Variants in NRG3 observed in about 807,000 individuals in gnomAD.
The protein encoded by NRG3 is neuregulin 3.
NRG3 carries 31 observed loss-of-function variants against 66.9 expected under a neutral mutation model. The ratio of observed to expected loss-of-function variants is 0.46; its 90% confidence interval spans 0.35 to 0.63. NRG3 has a LOEUF of 0.63. NRG3 is among the 20% of genes least tolerant of loss of function. NRG3 has a pLI of 0.00. For synonymous variants in NRG3, 393 were observed against 359.4 expected (o/e 1.09, Z -1.06); for missense variants, 910 against 878.9 (o/e 1.04, Z -0.45).
chr10:82,785,532 G>A (rs976023289), intron 3 of NRG3, among the ~76,000 whole-genome samples: 1 of 152,058 alleles, frequency 6.6e-6, no homozygotes, highest in Non-Finnish European at 1.5e-5. Flanking sequence ...ATTAGGAATA[G>A]GGTATTGAAA....
chr10:82,661,858 T>C (rs562623745), intron 2 of NRG3, among the ~76,000 whole-genome samples: 1 of 152,350 alleles, frequency 6.6e-6, no homozygotes, highest in East Asian at 1.9e-4. Context: ...TCCAAATGAA[T>C]ACATTAAACA....
At chr10:82,975,372 T>G (rs1213982873) in intron 7 of NRG3, among the ~76,000 whole-genome samples, 1 of 152,210 alleles carries the variant, frequency 6.6e-6, no homozygotes, top group East Asian at 1.9e-4. Context: ...GATATATATG[T>G]TTTAAAACAT....
At chr10:82,173,410 T>C (rs2072780533) in intron 1 of NRG3, among the ~76,000 whole-genome samples, 1 of 151,724 alleles carries the variant, frequency 6.6e-6, no homozygotes, top group African/African-American at 2.4e-5. Context: ...ATGTAAAATA[T>C]AAATATAAAC....
chr10:82,135,221 C>T (rs1417719020), intron 1 of NRG3, among the ~76,000 whole-genome samples: 1 of 151,474 alleles, frequency 6.6e-6, no homozygotes, highest in Admixed American at 6.6e-5. Context: ...TATTCTAAAG[C>T]TTCATTGTAT....
At chr10:82,303,096 A>G (rs2080501245) in intron 1 of NRG3, among the ~76,000 whole-genome samples, 1 of 150,212 alleles carries the variant, frequency 6.7e-6, no homozygotes, top group African/African-American at 2.5e-5. Context: ...AAATATCTCT[A>G]TTTTCTTCAC....
intron 1 of NRG3, among the ~76,000 whole-genome samples, chr10:81,987,271 G>T (rs1410365750): frequency 6.6e-6 from 1 of 152,154 alleles, no homozygotes; most frequent in Non-Finnish European, 1.5e-5. Flanking sequence ...TTTTAGTAGA[G>T]ACCTGGTTTC....
At chr10:82,075,390 T>C (rs1246056247) in intron 1 of NRG3, among the ~76,000 whole-genome samples, 1 of 152,162 alleles carries the variant, frequency 6.6e-6, no homozygotes, top group Non-Finnish European at 1.5e-5. Flanking sequence ...AAGTTAGCAG[T>C]CTTTCATATC....
intron 2 of NRG3, among the ~76,000 whole-genome samples, chr10:82,373,903 CT>C (rs760542969): frequency 1.1e-4 from 17 of 152,144 alleles, no homozygotes; most frequent in Non-Finnish European, 5.9e-5. Context: ...TCTCTTCCCC[CT>C]ACAAGCTAAC....
intron 1 of NRG3, among the ~76,000 whole-genome samples, chr10:81,887,492 G>T (rs1366568322): frequency 6.6e-6 from 1 of 152,148 alleles, no homozygotes; most frequent in Non-Finnish European, 1.5e-5. Context: ...AATTGACAGT[G>T]CTGAGTACTA....
intron 1 of NRG3, among the ~76,000 whole-genome samples, chr10:82,107,577 G>A (rs535037159): frequency 1.3e-5 from 2 of 152,330 alleles, no homozygotes; most frequent in African/African-American, 4.8e-5. Context: ...CAAAACTTCA[G>A]TGATGTAGCA....
chr10:82,570,286 A>G (rs1444520651), intron 2 of NRG3, among the ~76,000 whole-genome samples: 1 of 151,760 alleles, frequency 6.6e-6, no homozygotes, highest in African/African-American at 2.4e-5. Context: ...ATGTGTTGGC[A>G]TCTACTTCTG....
At chr10:82,100,474 A>C (rs79345577) in intron 1 of NRG3, among the ~76,000 whole-genome samples, 3,532 of 152,190 alleles carry the variant, frequency 0.023, 72 homozygotes, top group Admixed American at 0.053. Flanking sequence ...CTTAGGAGAA[A>C]TCATTCAGTC....
chr10:82,470,550 A>G (rs1202178404), intron 2 of NRG3, among the ~76,000 whole-genome samples: 1 of 152,220 alleles, frequency 6.6e-6, no homozygotes, highest in African/African-American at 2.4e-5. Context: ...CACCCTCACA[A>G]TAGAGTTCGT....
chr10:82,124,585 G>T (rs2068306361), intron 1 of NRG3, among the ~76,000 whole-genome samples: 1 of 151,698 alleles, frequency 6.6e-6, no homozygotes, highest in African/African-American at 2.4e-5. Context: ...GGCAAGAGGA[G>T]GGAGAACATT....
intron 2 of NRG3, among the ~76,000 whole-genome samples, chr10:82,523,242 A>T (rs1181637572): frequency 6.6e-6 from 1 of 151,878 alleles, no homozygotes; most frequent in Non-Finnish European, 1.5e-5. Context: ...AGTTTGTGCA[A>T]ACATATGCTT....
At chr10:82,762,119 T>C (rs947037113) in intron 3 of NRG3, among the ~76,000 whole-genome samples, 1 of 151,622 alleles carries the variant, frequency 6.6e-6, no homozygotes, top group Admixed American at 6.6e-5. Flanking sequence ...AGTGGTGCAA[T>C]CACAGCTCAC....
At chr10:82,828,628 G>A (rs1434713407) in intron 3 of NRG3, among the ~76,000 whole-genome samples, 3 of 152,150 alleles carry the variant, frequency 2.0e-5, no homozygotes, top group Non-Finnish European at 4.4e-5. Context: ...TTAAGTTATA[G>A]ACATTTGTTT....
intron 1 of NRG3, among the ~76,000 whole-genome samples, chr10:82,096,063 A>G (rs2066320344): frequency 6.6e-6 from 1 of 152,244 alleles, no homozygotes; most frequent in South Asian, 2.1e-4. Context: ...AATGGAAACT[A>G]TAATCGCAAT....
intron 2 of NRG3, among the ~76,000 whole-genome samples, chr10:82,476,978 A>T (rs1841839704): frequency 6.6e-6 from 1 of 152,188 alleles, no homozygotes; most frequent in Non-Finnish European, 1.5e-5. Context: ...ATTCATCCAG[A>T]CTTTCCCTTT....
Sources: gnomAD v4.1 joint callset for allele counts (sites outside exome capture counted in the v4.1 genomes callset) on GRCh38, gnomAD v4.1.1 for gene constraint, MANE v1.5 for transcripts, NCBI Gene and HGNC (gene_info 2026-07-23, HGNC 2026-07-21) for gene names.